PPP2R2B: variants seen among roughly 807,000 people sequenced by gnomAD.
PPP2R2B encodes the protein protein phosphatase 2 regulatory subunit Bbeta, also known as serine/threonine-protein phosphatase 2A 55 kDa regulatory subunit B beta isoform.
A neutral mutation model predicts 46.0 loss-of-function variants in PPP2R2B; 5 were observed. The observed-to-expected ratio is 0.11, with a 90% CI of 0.06 to 0.23. The LOEUF (loss-of-function observed/expected upper bound fraction) is 0.23. Ranked by LOEUF, PPP2R2B falls within the 10% of genes least tolerant of loss-of-function variation. The pLI is 1.00. For synonymous variants in PPP2R2B, 215 were observed against 206.7 expected (o/e 1.04, Z -0.34); for missense variants, 367 against 575.0 (o/e 0.64, Z 3.70).
chr5:146,802,783 C>T (rs1756943204), intron 2 of PPP2R2B, among the ~76,000 whole-genome samples: 3 of 152,136 alleles, frequency 2.0e-5, no homozygotes, highest in African/African-American at 7.2e-5. Context: ...CCATAAAGGA[C>T]ATGTTTACAA....
intron 1 of PPP2R2B, among the ~76,000 whole-genome samples, chr5:147,008,146 G>A (rs1754535765): frequency 6.6e-6 from 1 of 152,156 alleles, no homozygotes; most frequent in African/African-American, 2.4e-5. Flanking sequence ...TTTGTATAAA[G>A]AGGAAGCAGA....
intron 8 of PPP2R2B, among the ~76,000 whole-genome samples, 177 bp downstream of exon 8, chr5:146,600,114 T>C (rs1771630292): frequency 6.6e-6 from 1 of 152,212 alleles, no homozygotes; most frequent in African/African-American, 2.4e-5. Flanking sequence ...TTCTAGCCTC[T>C]CCACATGTAC....
At chr5:146,990,981 G>A (rs1384150179) in intron 1 of PPP2R2B, among the ~76,000 whole-genome samples, 6 of 151,940 alleles carry the variant, frequency 3.9e-5, no homozygotes, top group African/African-American at 9.6e-5. Context: ...CTTGAACATC[G>A]TTAATCATCA....
rs549167055 is a variant in PPP2R2B at position 146,683,710 on chromosome 5, G to A, written c.447+7418C>T. 3.9e-5 allele frequency among the ~76,000 whole-genome samples: 6 copies of A among 152,230 alleles called. No homozygotes were observed. In the South Asian group the frequency reaches 8.3e-4, roughly 21 times the overall value. Reference sequence around the variant, plus strand: ...TCCCAAACTCTCATCCCCCAAAGGCGAAACATGTCAAAACACAAAGGCTTG... The same window carrying A: ...TCCCAAACTCTCATCCCCCAAAGGCAAAACATGTCAAAACACAAAGGCTTG... On this transcript the variant is annotated intron_variant, in intron 5 of 9. Transcript: ENST00000394411.
intron 2 of PPP2R2B, among the ~76,000 whole-genome samples, chr5:146,739,295 C>A (rs1378522365): frequency 6.6e-6 from 1 of 152,166 alleles, no homozygotes; most frequent in African/African-American, 2.4e-5. Flanking sequence ...GCTGGGATTA[C>A]AAGTGTGAGC....
chr5:146,729,979 C>T (rs1752129204), intron 2 of PPP2R2B, among the ~76,000 whole-genome samples: 1 of 152,190 alleles, frequency 6.6e-6, no homozygotes, highest in Non-Finnish European at 1.5e-5. Flanking sequence ...CTCTAGACCC[C>T]ATAATGGTAG....
chr5:146,627,949 A>ATT (rs536894043), intron 7 of PPP2R2B, among the ~76,000 whole-genome samples: 3 of 145,754 alleles, frequency 2.1e-5, no homozygotes. Context: ...AACATCTCAG[A>ATT]TTTTTTTTTT....
chr5:146,624,182 G>T (rs1773889174), intron 7 of PPP2R2B, among the ~76,000 whole-genome samples: 1 of 152,170 alleles, frequency 6.6e-6, no homozygotes, highest in African/African-American at 2.4e-5. Flanking sequence ...GATCAATGAA[G>T]ATAAATCAAT....
At chr5:146,963,232 A>G (rs773999865) in intron 1 of PPP2R2B, among the ~76,000 whole-genome samples, 1 of 152,190 alleles carries the variant, frequency 6.6e-6, no homozygotes, top group Non-Finnish European at 1.5e-5. Context: ...GCAGACAATC[A>G]TTGCATGAGA....
chr5:146,808,994 TGCGC>T (rs1412776680), intron 2 of PPP2R2B, among the ~76,000 whole-genome samples: 2 of 134,400 alleles, frequency 1.5e-5, no homozygotes, highest in Non-Finnish European at 3.4e-5. Flanking sequence ...TGTGTGTGTG[TGCGC>T]GCGCACCCAC....
chr5:146,637,412 C>T (rs1774894121), intron 7 of PPP2R2B, among the ~76,000 whole-genome samples: 1 of 152,154 alleles, frequency 6.6e-6, no homozygotes, highest in Admixed American at 6.5e-5. Flanking sequence ...AGGACAGCCC[C>T]TTCCCCGAAA....
intron 2 of PPP2R2B, among the ~76,000 whole-genome samples, chr5:147,077,108 A>G (rs1163890602): frequency 4.1e-5 from 6 of 147,744 alleles, no homozygotes; most frequent in African/African-American, 1.2e-4. Context: ...ATAATATATA[A>G]TATGTAATAT....
chr5:146,777,294 AAAGG>A (rs1275323344), intron 2 of PPP2R2B, among the ~76,000 whole-genome samples: 2 of 152,198 alleles, frequency 1.3e-5, no homozygotes, highest in African/African-American at 4.8e-5. Context: ...CCAGCCATAA[AAAGG>A]AATGAAGTTC....
intron 8 of PPP2R2B, among the ~76,000 whole-genome samples, chr5:146,593,683 G>A (rs1024886585): frequency 5.9e-5 from 9 of 152,162 alleles, no homozygotes; most frequent in Non-Finnish European, 7.3e-5. Flanking sequence ...TCTGGGTTTG[G>A]GGTGAGGGGA....
chr5:147,074,708 TGTTATA>T (rs1365952550), intron 2 of PPP2R2B, among the ~76,000 whole-genome samples: 2 of 152,118 alleles, frequency 1.3e-5, no homozygotes, highest in African/African-American at 4.8e-5. Context: ...TTACTGCAAA[TGTTATA>T]GTTAGAGGAT....
intron 1 of PPP2R2B, among the ~76,000 whole-genome samples, chr5:146,955,464 A>C (rs1582492212): frequency 2.0e-5 from 3 of 152,330 alleles, no homozygotes; most frequent in Middle Eastern, 6.8e-3. Context: ...CTGTAATGAA[A>C]ACTATAAATT....
At chr5:146,883,399 G>A (rs1762230683), upstream of PPP2R2B, among the ~76,000 whole-genome samples, 1 of 152,132 alleles carries the variant, frequency 6.6e-6, no homozygotes, top group South Asian at 2.1e-4. Flanking sequence ...CAAGTCAATT[G>A]TTCATGTGAA....
chr5:146,948,183 T>C lies in PPP2R2B; in HGVS notation c.79+107482A>G, dbSNP rs144534027. On this transcript the variant is annotated intron_variant, in intron 1 of 8. Coordinates refer to the PPP2R2B transcript ENST00000336640. Reference sequence around the variant, plus strand: ...CATGAGGCTTTAAGACTGGGGACTATGTTTATTCAACATTCAGAGGCAGGA... The same window carrying C: ...CATGAGGCTTTAAGACTGGGGACTACGTTTATTCAACATTCAGAGGCAGGA... Among the ~76,000 whole-genome samples, 959 of 152,210 alleles carry C rather than the reference T, an allele frequency of 6.3e-3. 12 individuals carry two copies. The highest frequency in any genetic ancestry group is 6.4e-3 in the Non-Finnish European group (436 of 68,014).
intron 8 of PPP2R2B, among the ~76,000 whole-genome samples, chr5:146,594,485 C>A (rs149268603): frequency 6.6e-6 from 1 of 152,182 alleles, no homozygotes; most frequent in Non-Finnish European, 1.5e-5. Flanking sequence ...CCCACTAGCA[C>A]GGAGTGGCAA....
Sources: gnomAD v4.1 joint callset for allele counts (sites outside exome capture counted in the v4.1 genomes callset) on GRCh38, gnomAD v4.1.1 for gene constraint, MANE v1.5 for transcripts, NCBI Gene and HGNC (gene_info 2026-07-23, HGNC 2026-07-21) for gene names.